PCED1B: variants seen among roughly 807,000 people sequenced by gnomAD.
The protein encoded by PCED1B is PC-esterase domain-containing protein 1B.
For missense variants in PCED1B, 573 were observed against 573.9 expected (o/e 1.00, Z 0.02); for synonymous variants, 251 against 246.1 (o/e 1.02, Z -0.19).
chr12:47,216,967 T>C (rs1943277684), intron 3 of PCED1B, among the ~76,000 whole-genome samples: 1 of 152,224 alleles, frequency 6.6e-6, no homozygotes, highest in African/African-American at 2.4e-5. Flanking sequence ...GCATCTGTTG[T>C]CTGCAATCTT....
intron 2 of PCED1B, among the ~76,000 whole-genome samples, chr12:47,171,599 G>A (rs1262919884): frequency 2.0e-5 from 3 of 152,108 alleles, no homozygotes; most frequent in Non-Finnish European, 4.4e-5. Context: ...GTTTCCCTAA[G>A]ATGGAATAGG....
At chr12:47,147,129 T>C (rs1940820379) in intron 2 of PCED1B, among the ~76,000 whole-genome samples, 1 of 151,742 alleles carries the variant, frequency 6.6e-6, no homozygotes. Context: ...GCCTCCTGAG[T>C]AGCTGGGACT....
chr12:47,189,560 C>T (rs4768143), intron 2 of PCED1B, among the ~76,000 whole-genome samples: 64,901 of 152,000 alleles, frequency 0.43, 16,839 homozygotes, highest in South Asian at 0.59. Context: ...TTACAAGATC[C>T]CTGAACACCA....
Position 47,235,373 on chromosome 12 carries a change from A to T in PCED1B, c.310A>T (p.Thr104Ser). ...CCGCGTGTACTCCGATTACCTCCAG[A>T]CCATCTTGAAAGAGCTGCAGTCGGG... is the stretch of plus-strand genomic sequence containing the variant. Reference protein sequence around the residue: ...LTRVYSDYLQTILKELQSGEH... With the variant: ...LTRVYSDYLQSILKELQSGEH... Residue 104 changes from threonine (T) to serine (S), a missense_variant, in exon 4 of 4, where the codon ACC becomes TCC. By Grantham distance (58) the Thr-to-Ser change is moderately conservative. Coordinates refer to ENST00000546455, the MANE Select transcript of PCED1B (RefSeq NM_138371.3). 6.2e-7 allele frequency: 1 copy of T among 1,614,124 alleles called. No homozygotes were observed. Among genetic ancestry groups the T allele is most frequent in the Non-Finnish European group, 8.5e-7 (1 of 1,180,024 alleles).
intron 2 of PCED1B, among the ~76,000 whole-genome samples, chr12:47,119,475 T>G (rs1225019476): frequency 6.7e-6 from 1 of 150,336 alleles, no homozygotes; most frequent in African/African-American, 2.5e-5. Context: ...ATGAGAGGAT[T>G]GCTTGAGCTC....
intron 3 of PCED1B, among the ~76,000 whole-genome samples, chr12:47,234,594 C>T (rs1361155444): frequency 2.0e-5 from 3 of 152,118 alleles, no homozygotes; most frequent in African/African-American, 7.2e-5. Context: ...ACTTGGGGTC[C>T]TCATTATCTA....
chr12:47,235,419 T>C lies in PCED1B; in HGVS notation c.356T>C (p.Val119Ala), dbSNP rs1459128652. The C allele has an allele frequency of 6.2e-7, 1 of 1,614,160 alleles. No homozygotes were observed. Among genetic ancestry groups the C allele is most frequent in the South Asian group, 1.1e-5 (1 of 91,086 alleles). The part of the protein sequence containing the change: ...LQSGEHAPDL[V>A]IMNSCLWDIS... ...TCGGGCGAGCACGCCCCCGACCTGG[T>C]CATCATGAATTCCTGCCTCTGGGAC... The change falls in exon 4 of 4, where the codon GTC becomes GCC. Residue 119 changes from valine to alanine, a missense_variant. By Grantham distance (64) the Val-to-Ala change is moderately conservative (BLOSUM62 0). Transcript: ENST00000546455.
At chr12:47,149,030 G>C (rs1415751994) in intron 2 of PCED1B, among the ~76,000 whole-genome samples, 1 of 152,142 alleles carries the variant, frequency 6.6e-6, no homozygotes. Flanking sequence ...GCACTGCTGA[G>C]AATCTTCCCC....
intron 3 of PCED1B, chr12:47,223,804 A>C (rs973143402): frequency 3.3e-5 from 5 of 152,218 alleles, no homozygotes; most frequent in African/African-American, 1.2e-4. Flanking sequence ...TTGCTGAGCC[A>C]AAGGATTAGA....
At chr12:47,186,978 G>A (rs556904105) in intron 2 of PCED1B, among the ~76,000 whole-genome samples, 44 of 152,196 alleles carry the variant, frequency 2.9e-4, no homozygotes, top group Admixed American at 2.5e-3. Context: ...TCCTGGAGTC[G>A]GGGACCACTC....
chr12:47,207,537 A>T lies in PCED1B; in HGVS notation c.-525-8685A>T, dbSNP rs116283782. 3.7e-3 allele frequency among the ~76,000 whole-genome samples: 568 copies of T among 152,366 alleles called. 1 individual carries two copies. Among genetic ancestry groups the T allele is most frequent in the African/African-American group, 0.013 (540 of 41,584 alleles). Reference sequence around the variant, plus strand: ...TGACCCAGCAGATGGGCACGTGGGCAGGCAGAGCTCTCAACTACCTTTTCT... The same window carrying T: ...TGACCCAGCAGATGGGCACGTGGGCTGGCAGAGCTCTCAACTACCTTTTCT... On this transcript the variant is annotated intron_variant, in intron 2 of 3. Coordinates refer to ENST00000546455, the MANE Select transcript of PCED1B (RefSeq NM_138371.3).
intron 2 of PCED1B, among the ~76,000 whole-genome samples, chr12:47,111,360 A>G (rs1939186586): frequency 6.6e-6 from 1 of 152,228 alleles, no homozygotes; most frequent in Non-Finnish European, 1.5e-5. Context: ...ACTGATCATC[A>G]GAAGAAATAA....
chr12:47,189,166 A>T (rs1254886558), intron 2 of PCED1B, among the ~76,000 whole-genome samples: 1 of 152,120 alleles, frequency 6.6e-6, no homozygotes, highest in East Asian at 1.9e-4. Flanking sequence ...TTCTTAGCCC[A>T]GTGTCTGAAA....
At chr12:47,187,608 T>C (rs983291380) in intron 2 of PCED1B, among the ~76,000 whole-genome samples, 8 of 152,086 alleles carry the variant, frequency 5.3e-5, no homozygotes, top group Non-Finnish European at 5.9e-5. Context: ...TTTTCATAGC[T>C]AAAATTAGAA....
In PCED1B at chr12:47,236,386, T is replaced by C. The variant is rs1393762980; in HGVS notation, c.*24T>C. On this transcript the variant is annotated 3_prime_UTR_variant, in exon 4 of 4. Coordinates refer to ENST00000546455, the MANE Select transcript of PCED1B (RefSeq NM_138371.3). ...AGACGGACCTAGGCCTTATTTCCTCTTTATGAACATGGATTGGACAGATCT... is the reference window on the plus strand; with the variant it reads ...AGACGGACCTAGGCCTTATTTCCTCCTTATGAACATGGATTGGACAGATCT... 2 of 1,511,804 alleles carry C rather than the reference T, an allele frequency of 1.3e-6. No individual in the cohort carries two copies. The highest frequency in any genetic ancestry group is 4.8e-5 in the East Asian group (2 of 42,068). 93.6% of individuals were successfully genotyped at this position (1,511,804 alleles called of 1,614,324 possible).
chr12:47,090,494 G>A (rs1938216932), intron 1 of PCED1B, among the ~76,000 whole-genome samples: 1 of 152,176 alleles, frequency 6.6e-6, no homozygotes, highest in Admixed American at 6.5e-5. Flanking sequence ...CAAGAATCAT[G>A]TACCATGCAT....
At chr12:47,085,417 C>T (rs1937932541) in intron 1 of PCED1B, among the ~76,000 whole-genome samples, 1 of 152,138 alleles carries the variant, frequency 6.6e-6, no homozygotes, top group Non-Finnish European at 1.5e-5. Flanking sequence ...TAACTTAAGG[C>T]AAGTTCTTTA....
chr12:47,156,529 T>A (rs1327976332), intron 2 of PCED1B, among the ~76,000 whole-genome samples: 1 of 152,014 alleles, frequency 6.6e-6, no homozygotes. Flanking sequence ...CCACTTGCAT[T>A]CTTAAGTGTG....
At chr12:47,116,398 T>C (rs1434502340) in intron 2 of PCED1B, among the ~76,000 whole-genome samples, 1 of 152,192 alleles carries the variant, frequency 6.6e-6, no homozygotes, top group Non-Finnish European at 1.5e-5. Flanking sequence ...AAAGGTGACA[T>C]TTTTATTATG....
Sources: gnomAD v4.1 joint callset for allele counts (sites outside exome capture counted in the v4.1 genomes callset) on GRCh38, gnomAD v4.1.1 for gene constraint, MANE v1.5 for transcripts, NCBI Gene and HGNC (gene_info 2026-07-23, HGNC 2026-07-21) for gene names.